Variants in ERC2 observed in about 807,000 individuals in gnomAD.
ERC2 encodes ELKS/RAB6-interacting/CAST family member 2.
ERC2 carries 42 observed loss-of-function variants against 114.8 expected under a neutral mutation model. The observed-to-expected ratio is 0.37, with a 90% CI of 0.29 to 0.47. ERC2 has a LOEUF of 0.47. Among genes scored for constraint, ERC2 ranks in the 20% least tolerant of loss-of-function variants. The probability of loss-of-function intolerance (pLI) is 0.99; values close to 1 mark genes in which losing one functional copy is unlikely to be tolerated. For synonymous variants in ERC2, 454 were observed against 425.5 expected, an observed-to-expected ratio of 1.07 and a Z score of -0.82; for missense variants, 939 against 1,150.7, an observed-to-expected ratio of 0.82 and a Z score of 2.66.
intron 3 of ERC2, among the ~76,000 whole-genome samples, chr3:56,212,879 C>T (rs2049166285): frequency 6.6e-6 from 1 of 152,072 alleles, no homozygotes; most frequent in Non-Finnish European, 1.5e-5. Flanking sequence ...GCATTTGCAG[C>T]AACCTGGATG....
intron 7 of ERC2, among the ~76,000 whole-genome samples, chr3:56,059,682 T>A (rs2076169478): frequency 6.6e-6 from 1 of 152,212 alleles, no homozygotes; most frequent in Non-Finnish European, 1.5e-5. Flanking sequence ...ACATCACAAT[T>A]CTTCCTTTAG....
chr3:55,550,810 A>G (rs1241156485), intron 17 of ERC2, among the ~76,000 whole-genome samples: 1 of 151,946 alleles, frequency 6.6e-6, no homozygotes, highest in Non-Finnish European at 1.5e-5. Context: ...AGGTCAGGAG[A>G]TCGAGACCAT....
chr3:56,278,106 T>A (rs60879071), intron 3 of ERC2, among the ~76,000 whole-genome samples: 53,121 of 151,994 alleles, frequency 0.35, 10,139 homozygotes, highest in Middle Eastern at 0.44. Context: ...GTTAGAATAG[T>A]GCCTGCCCCA....
chr3:55,551,187 T>A (rs1275210256), intron 17 of ERC2, among the ~76,000 whole-genome samples: 1 of 151,804 alleles, frequency 6.6e-6, no homozygotes, highest in East Asian at 1.9e-4. Flanking sequence ...CACACATACA[T>A]ACACACACAT....
chr3:55,750,698 T>G (rs2066642895), intron 14 of ERC2, among the ~76,000 whole-genome samples: 1 of 152,200 alleles, frequency 6.6e-6, no homozygotes, highest in East Asian at 1.9e-4. Context: ...CTTATGCCTG[T>G]TCCTAGTTGC....
intron 17 of ERC2, among the ~76,000 whole-genome samples, chr3:55,665,212 A>G (rs62251549): frequency 0.076 from 11,625 of 152,244 alleles, 556 homozygotes; most frequent in East Asian, 0.19. Flanking sequence ...CTGACTCTTC[A>G]AGCAGCGCTC....
At chr3:56,337,188 T>A (rs1424365289) in intron 2 of ERC2, among the ~76,000 whole-genome samples, 3 of 152,180 alleles carry the variant, frequency 2.0e-5, no homozygotes, top group East Asian at 3.9e-4. Flanking sequence ...ATTTTTCCTA[T>A]GTTTCTTCCT....
At chr3:56,113,516 T>A (rs914502560) in intron 6 of ERC2, among the ~76,000 whole-genome samples, 1 of 152,212 alleles carries the variant, frequency 6.6e-6, no homozygotes, top group Non-Finnish European at 1.5e-5. Flanking sequence ...TGTGTGTGTG[T>A]GTTCTCTAGG....
chr3:55,651,014 A>ATTTTTTT (rs71096493), intron 17 of ERC2, among the ~76,000 whole-genome samples: 41 of 96,306 alleles, frequency 4.3e-4, no homozygotes, highest in African/African-American at 5.9e-4. Context: ...CACCCAGCTA[A>ATTTTTTT]TTTTTTTTTT....
chr3:55,880,602 G>A (rs534989390), intron 14 of ERC2, among the ~76,000 whole-genome samples: 9 of 152,062 alleles, frequency 5.9e-5, no homozygotes, highest in Non-Finnish European at 1.3e-4. Flanking sequence ...AACTCAGAAA[G>A]CTGCAATAGG....
chr3:56,126,315 G>T (rs1327104528), intron 6 of ERC2, among the ~76,000 whole-genome samples: 1 of 152,172 alleles, frequency 6.6e-6, no homozygotes, highest in Non-Finnish European at 1.5e-5. Context: ...AATCAATAGA[G>T]GTGATACATC....
At chr3:56,199,467 AC>A (rs1371218776) in intron 3 of ERC2, among the ~76,000 whole-genome samples, 1 of 151,966 alleles carries the variant, frequency 6.6e-6, no homozygotes, top group Non-Finnish European at 1.5e-5. Context: ...ACTCTAAAGG[AC>A]ATTGAATATG....
At chr3:56,441,737 GA>G (rs1430707174) in intron 1 of ERC2, among the ~76,000 whole-genome samples, 1 of 152,156 alleles carries the variant, frequency 6.6e-6, no homozygotes, top group East Asian at 1.9e-4. Context: ...AGTGGAGACA[GA>G]ATTTCACCAT....
At chr3:56,292,597 C>T (rs2055165733) in intron 3 of ERC2, among the ~76,000 whole-genome samples, 1 of 151,462 alleles carries the variant, frequency 6.6e-6, no homozygotes, top group Non-Finnish European at 1.5e-5. Context: ...CCCCCACCGC[C>T]CCCCGCAAAA....
chr3:56,331,700 T>C (rs961438360), intron 2 of ERC2, among the ~76,000 whole-genome samples: 1 of 152,096 alleles, frequency 6.6e-6, no homozygotes, highest in Non-Finnish European at 1.5e-5. Context: ...AAATGGGAAA[T>C]ATAACTGGTG....
rs185495111 is a variant in ERC2, at chr3:56,267,710, C to T, written c.1074+28309G>A. On this transcript the variant is annotated intron_variant, in intron 3 of 17. Transcript: ENST00000288221. ...AGGAGAATCACTTGAACCCAGGAGG[C>T]GTAGGTTGCAGTGAGCCGAGATCTT... Among the ~76,000 whole-genome samples, 422 of 152,024 alleles carry T rather than the reference C, an allele frequency of 2.8e-3. 3 individuals carry two copies. Among genetic ancestry groups the T allele is most frequent in the African/African-American group, 9.8e-3 (408 of 41,468 alleles).
intron 15 of ERC2, among the ~76,000 whole-genome samples, chr3:55,724,618 A>G (rs926357019): frequency 3.9e-5 from 6 of 152,234 alleles, no homozygotes; most frequent in African/African-American, 1.4e-4. Context: ...TAAAATCCCT[A>G]GCCCAATGCC....
intron 3 of ERC2, among the ~76,000 whole-genome samples, chr3:56,210,699 C>A (rs1442650156): frequency 6.6e-6 from 1 of 152,184 alleles, no homozygotes. Flanking sequence ...TCTTTCAGAT[C>A]TGCATGTTTT....
chr3:56,000,850 T>G (rs1354345651), intron 10 of ERC2, among the ~76,000 whole-genome samples: 2 of 151,350 alleles, frequency 1.3e-5, no homozygotes, highest in African/African-American at 4.9e-5. Flanking sequence ...CCCAGGAGTT[T>G]GAGACCAGTC....
Sources: allele counts gnomAD v4.1 joint callset (sites outside exome capture counted in the v4.1 genomes callset), GRCh38; gene constraint gnomAD v4.1.1; transcripts MANE v1.5; gene names NCBI Gene and HGNC (gene_info 2026-07-23, HGNC 2026-07-21).